Variants in DNAH1 observed in about 807,000 individuals in gnomAD.
DNAH1 encodes dynein axonemal heavy chain 1.
In DNAH1, 327 loss-of-function variants were observed where a neutral mutation model predicts 484.3. That is an observed-to-expected ratio of 0.68 (90% CI 0.62 to 0.74). The LOEUF (loss-of-function observed/expected upper bound fraction) is 0.74. Among genes scored for constraint, DNAH1 ranks in the 30% least tolerant of loss-of-function variants. The pLI is 0.00. For synonymous variants in DNAH1, 2,192 were observed against 2,191.9 expected, an observed-to-expected ratio of 1.00 and a Z score of 0.00; for missense variants, 5,052 against 5,546.8, an observed-to-expected ratio of 0.91 and a Z score of 2.83.
chr3:52,373,037 C>G lies in DNAH1; in HGVS notation c.6969C>G (p.Tyr2323Ter), dbSNP rs371370319. The change falls in exon 44 of 78, where the codon TAC becomes TAG. Residue 2323 changes from tyrosine to a stop codon, truncating the protein, a stop_gained. Transcript: ENST00000420323. LOFTEE classifies it high-confidence loss of function. ...AGTGGATGGACCACGGCGGCTGGTACGACCGCAAGATCATTGGTGAGTGTG... is the reference window on the plus strand; with the variant it reads ...AGTGGATGGACCACGGCGGCTGGTAGGACCGCAAGATCATTGGTGAGTGTG... ...LRQWMDHGGW[Y>*]DRKIIGAFKN... 1 of 1,612,026 alleles carries G rather than the reference C, an allele frequency of 6.2e-7. No individual in the cohort carries two copies. Among genetic ancestry groups the G allele is most frequent in the South Asian group, 1.1e-5 (1 of 91,000 alleles).
At chr3:52,312,471 CTTT>C (rs1206348745), upstream of DNAH1, among the ~76,000 whole-genome samples, 4 of 135,122 alleles carry the variant, frequency 3.0e-5, no homozygotes, top group Non-Finnish European at 1.6e-5. Context: ...TATTGCCACG[CTTT>C]TTTTTTTTTT....
rs1394269683 is a variant in DNAH1 at position 52,353,260 on chromosome 3, A to G, written c.3185A>G (p.Lys1062Arg). ...QLEKNVVEAF[K>R]TMHKCVKQFK... ...GAGAAGAACGTGGTTGAAGCCTTCAAGACCATGCACAAGTGCGTGAAGCAG... is the reference window on the plus strand; with the variant it reads ...GAGAAGAACGTGGTTGAAGCCTTCAGGACCATGCACAAGTGCGTGAAGCAG... The change falls in exon 19 of 78, where the codon AAG becomes AGG. Residue 1062 changes from lysine (K) to arginine (R), a missense_variant. Lys to Arg is a conservative substitution (Grantham distance 26). Coordinates refer to ENST00000420323, the MANE Select transcript of DNAH1 (RefSeq NM_015512.5). This position sits in a 1 kb window ranked among gnomAD's most constrained non-coding sequence, Gnocchi z 5.0. 1 of 1,613,976 alleles carries G rather than the reference A, an allele frequency of 6.2e-7. No individual in the cohort carries two copies. Among genetic ancestry groups the G allele is most frequent in the Non-Finnish European group, 8.5e-7 (1 of 1,179,896 alleles).
At chr3:52,314,026 C>A (rs1700873946), upstream of DNAH1, among the ~76,000 whole-genome samples, 2 of 152,164 alleles carry the variant, frequency 1.3e-5, no homozygotes, top group Non-Finnish European at 2.9e-5. Context: ...AGTGGCCAGC[C>A]TTGGGGGATG....
chr3:52,375,205 C>T, intron 44 of DNAH1, 35 bp from the exon 45 acceptor site: 1 of 1,570,232 alleles, frequency 6.4e-7, no homozygotes, highest in South Asian at 1.2e-5. Context: ...GCAGCCCTGG[C>T]CAGGGCCCTT....
At position 52,320,264 on chromosome 3, in the gene DNAH1, G is replaced by A. The variant is rs147245874; in HGVS notation, c.-34-2145G>A. Reference sequence around the variant, plus strand: ...TTAGGGTACTTCGGGAAGTGTTGGTGACTGTTAGACAGGTGGGCCAGACTC... The same window carrying A: ...TTAGGGTACTTCGGGAAGTGTTGGTAACTGTTAGACAGGTGGGCCAGACTC... On this transcript the variant is annotated intron_variant, in intron 1 of 77. Transcript: ENST00000420323. Among the ~76,000 whole-genome samples, 591 of 152,324 alleles carry A rather than the reference G, an allele frequency of 3.9e-3. 5 individuals carry two copies. Among genetic ancestry groups the A allele is most frequent in the South Asian group, 0.023 (110 of 4,828 alleles).
In DNAH1 at chr3:52,358,618, C is replaced by T. The variant is rs1578137015; in HGVS notation, c.4147C>T (p.Gln1383Ter). 6.2e-7 allele frequency: 1 copy of T among 1,613,262 alleles called. No individual in the cohort carries two copies. The highest frequency in any genetic ancestry group is 1.7e-4 in the Middle Eastern group (1 of 6,046). ...GTACTCAGCCGAGGGGGAGGAGGTA[C>T]AGTTGTGCTTCTCCATCTACCCCTC... The part of the protein sequence containing the change: ...HMYSAEGEEV[Q>*]LCFSIYPSSN... The change falls in exon 25 of 78, where the codon CAG (glutamine) becomes TAG (stop). Residue 1383 changes from glutamine (Q) to a stop codon, truncating the protein, a stop_gained. Coordinates refer to ENST00000420323, the MANE Select transcript of DNAH1 (RefSeq NM_015512.5). LOFTEE classifies it high-confidence loss of function. This position sits in a 1 kb window ranked among gnomAD's most constrained non-coding sequence, Gnocchi z 4.2.
intron 22 of DNAH1, 68 bp from the exon 23 acceptor site, chr3:52,357,546 G>T: frequency 6.4e-7 from 1 of 1,551,860 alleles, no homozygotes; most frequent in Non-Finnish European, 8.7e-7. Context: ...GGGTGCTCTG[G>T]GATGAGCCTA....
intron 8 of DNAH1, among the ~76,000 whole-genome samples, 197 bp from the exon 9 acceptor site, chr3:52,344,293 G>A (rs1256332420): frequency 6.6e-6 from 1 of 152,214 alleles, no homozygotes; most frequent in Non-Finnish European, 1.5e-5. Context: ...ACAGAAAATG[G>A]GGACAAGGGG....
At chr3:52,347,137 A>G (rs572915885) in intron 11 of DNAH1, among the ~76,000 whole-genome samples, 37 of 152,314 alleles carry the variant, frequency 2.4e-4, no homozygotes, top group South Asian at 6.2e-4. Flanking sequence ...AGGGGCCATG[A>G]TAGACACTGG....
Position 52,370,241 on chromosome 3 carries a change from A to G in DNAH1, c.6258+12A>G, listed in dbSNP as rs745402448. 5 of 1,612,912 alleles carry G rather than the reference A, an allele frequency of 3.1e-6. No individual in the cohort carries two copies. The highest frequency in any genetic ancestry group is 1.1e-5 in the South Asian group (1 of 90,858). ...TTCTGCCTAGAGAGGTACAGCCCTG[A>G]GAGTGGGGCTAGATGCACCTGGTCC... On this transcript the variant is annotated intron_variant, in intron 39 of 77. Transcript: ENST00000420323.
At chr3:52,380,221 T>G in intron 48 of DNAH1, 86 bp downstream of exon 48, 1 of 1,192,382 alleles carries the variant, frequency 8.4e-7, no homozygotes, top group Non-Finnish European at 1.2e-6. Context: ...CAGTCACCAC[T>G]AACAGACTAC....
In DNAH1 at chr3:52,383,953, A is replaced by G. The variant is rs756207512; in HGVS notation, c.8244A>G (p.Glu2748=). The G allele has an allele frequency of 6.2e-7, 1 of 1,612,908 alleles. No individual in the cohort carries two copies. Among genetic ancestry groups the G allele is most frequent in the South Asian group, 1.1e-5 (1 of 90,810 alleles). ...ACTGGTTTAACGAGTGGCCGGCAGA[A>G]GCCCTGAAGTCTGTGGCCACCGTGT... ...TIDWFNEWPA[E]ALKSVATVFL... The change falls in exon 52 of 78, where the codon GAA becomes GAG. Residue 2748 remains glutamate, a synonymous_variant. Transcript: ENST00000420323.
Position 52,364,529 on chromosome 3 carries a change from T to G in DNAH1, c.5245-109T>G. ...CAGCAGGTCTGCAAGGGAAGTGCTA[T>G]GAGCTGGTGATGAGACTTGGCCAAC... On this transcript the variant is annotated intron_variant, in intron 32 of 77. Coordinates refer to ENST00000420323, the MANE Select transcript of DNAH1 (RefSeq NM_015512.5). The surrounding 1 kb of genome is among the most constrained non-coding windows in gnomAD (Gnocchi z 4.2). The G allele has an allele frequency of 1.3e-4, 161 of 1,237,408 alleles. No homozygotes were observed. The highest frequency in any genetic ancestry group is 1.7e-4 in the Non-Finnish European group (147 of 843,660). 76.7% of individuals were successfully genotyped at this position (1,237,408 alleles called of 1,614,324 possible).
chr3:52,394,658 A>C lies in DNAH1; in HGVS notation c.10820A>C (p.His3607Pro). ...FRVIFDSLEPHREPLPGIWDQ... is the reference protein window; with the variant it reads ...FRVIFDSLEPPREPLPGIWDQ... ...GTCATCTTCGACAGCCTTGAGCCCC[A>C]CCGGTTAGCTGGGCCCCAGAATATG... is the stretch of plus-strand genomic sequence containing the variant. The change falls in exon 67 of 78, where the codon CAC becomes CCC. Residue 3607 changes from histidine to proline, a missense_variant. By Grantham distance (77) the His-to-Pro change is moderately conservative (BLOSUM62 -2). Coordinates refer to ENST00000420323, the MANE Select transcript of DNAH1 (RefSeq NM_015512.5). 1.9e-6 allele frequency: 3 copies of C among 1,564,860 alleles called. No homozygotes were observed. The highest frequency in any genetic ancestry group is 2.6e-6 in the Non-Finnish European group (3 of 1,151,486).
Position 52,375,984 on chromosome 3 carries a change from GAGCGTGT to G in DNAH1, c.7190_7196del (p.Glu2397GlyfsTer42). 1 of 1,612,420 alleles carries G rather than the reference GAGCGTGT, an allele frequency of 6.2e-7. No individual in the cohort carries two copies. Among genetic ancestry groups the G allele is most frequent in the Non-Finnish European group, 8.5e-7 (1 of 1,179,476 alleles). ...ACTCCTTGGAGAAAAAAGCTACCGG[GAGCGTGT>G]GCGTAAGTGTGGGCCTGGGCGGGAA... is the stretch of plus-strand genomic sequence containing the variant. On this transcript the variant is annotated frameshift_variant and splice_region_variant, in exon 46 of 78. Transcript: ENST00000420323. LOFTEE classifies it high-confidence loss of function.
In DNAH1 at chr3:52,389,491, T is replaced by C; in HGVS notation, c.9526T>C (p.Trp3176Arg). 6.2e-7 allele frequency: 1 copy of C among 1,607,480 alleles called. No individual in the cohort carries two copies. The highest frequency in any genetic ancestry group is 8.5e-7 in the Non-Finnish European group (1 of 1,177,368). The change falls in exon 60 of 78, where the codon TGG becomes CGG. Residue 3176 changes from tryptophan (W) to arginine (R), a missense_variant. Physicochemically the swap from Trp to Arg is moderately radical, Grantham distance 101 (BLOSUM62 -3). Transcript: ENST00000420323. ...GQYRTVLYDS[W>R]VKQLRSHNVP... is the part of the protein sequence containing the mutation. ...GTACCGCACGGTGCTCTACGACAGC[T>C]GGGTCAAGCAGCTCAGGAGCCACAA...
chr3:52,369,779 T>C, intron 37 of DNAH1, 46 bp from the exon 38 acceptor site: 1 of 1,567,716 alleles, frequency 6.4e-7, no homozygotes, highest in Non-Finnish European at 8.7e-7. Flanking sequence ...TCTCCAGGCC[T>C]GAGGACTGGC....
intron 16 of DNAH1, 106 bp downstream of exon 16, chr3:52,350,696 TCC>T: frequency 9.3e-7 from 1 of 1,072,694 alleles, no homozygotes; most frequent in Non-Finnish European, 1.4e-6. Flanking sequence ...CTGTGCAATC[TCC>T]CCAGAAACAC....
rs965223768 is a variant in DNAH1, at chr3:52,326,923, CAG to C, written c.738+33_738+34del. On this transcript the variant is annotated intron_variant, in intron 5 of 77. Transcript: ENST00000420323. ...CGGGCTTCCACAGATGGTTGAGAGA[CAG>C]GGGCAGAAGTGCAGGACCCCAGTGG... 8 of 1,603,664 alleles carry C rather than the reference CAG, an allele frequency of 5.0e-6. No individual in the cohort carries two copies. The Admixed American group carries it at 5.1e-5, about 10-fold the overall frequency.
Sources: gnomAD v4.1 joint callset for allele counts (sites outside exome capture counted in the v4.1 genomes callset) on GRCh38, gnomAD v4.1.1 for gene constraint, Gnocchi (gnomAD v3.1) non-coding constraint, MANE v1.5 for transcripts, NCBI Gene and HGNC (gene_info 2026-07-23, HGNC 2026-07-21) for gene names.